The following JMJD1C variants were observed in gnomAD, a reference collection of about 807,000 sequenced individuals.
The protein encoded by JMJD1C is jumonji domain containing 1C.
In JMJD1C, 31 loss-of-function variants were observed where a neutral mutation model predicts 245.3. The ratio of observed to expected loss-of-function variants is 0.13; its 90% CI spans 0.09 to 0.17. The LOEUF is 0.17. Among genes scored for constraint, JMJD1C ranks in the 10% least tolerant of loss-of-function variants. The probability of loss-of-function intolerance (pLI) is 1.00; values close to 1 mark genes in which losing one functional copy is unlikely to be tolerated. For missense variants in JMJD1C, 2,691 were observed against 3,000.2 expected, an observed-to-expected ratio of 0.90 and a Z score of 2.41; for synonymous variants, 1,057 against 1,017.4, an observed-to-expected ratio of 1.04 and a Z score of -0.74.
chr10:63,339,623 T>A (rs1333979319), intron 2 of JMJD1C, among the ~76,000 whole-genome samples: 3 of 150,642 alleles, frequency 2.0e-5, no homozygotes, highest in Middle Eastern at 3.4e-3. Flanking sequence ...ATCTCTAATT[T>A]AAAAAAAAAA....
intron 1 of JMJD1C, among the ~76,000 whole-genome samples, chr10:63,498,140 G>GT (rs1334691999): frequency 6.6e-6 from 1 of 152,002 alleles, no homozygotes; most frequent in Non-Finnish European, 1.5e-5. Context: ...TCCTCAATAA[G>GT]TAAATAACAT....
chr10:63,273,156 T>C (rs906590682), intron 2 of JMJD1C, among the ~76,000 whole-genome samples: 1 of 152,160 alleles, frequency 6.6e-6, no homozygotes, highest in Non-Finnish European at 1.5e-5. Context: ...TACAACTAGT[T>C]GGTAATAATG....
chr10:63,318,629 CATTCCT>C (rs1940414352), intron 2 of JMJD1C, among the ~76,000 whole-genome samples: 1 of 151,984 alleles, frequency 6.6e-6, no homozygotes, highest in South Asian at 2.1e-4. Context: ...GTAAGTTCAA[CATTCCT>C]GGGACATCAA....
At chr10:63,324,780 C>G (rs1342279213) in intron 2 of JMJD1C, among the ~76,000 whole-genome samples, 1 of 152,080 alleles carries the variant, frequency 6.6e-6, no homozygotes, top group Admixed American at 6.6e-5. Flanking sequence ...AAAAGAGGTT[C>G]CAGGGTGGTG....
At chr10:63,313,599 T>C (rs541919001) in intron 2 of JMJD1C, among the ~76,000 whole-genome samples, 10 of 152,326 alleles carry the variant, frequency 6.6e-5, no homozygotes, top group Non-Finnish European at 1.5e-5. Context: ...TCTGCACCAA[T>C]ATCCATTATT....
chr10:63,286,563 A>G (rs1858000589), intron 2 of JMJD1C, among the ~76,000 whole-genome samples: 1 of 152,190 alleles, frequency 6.6e-6, no homozygotes, highest in Non-Finnish European at 1.5e-5. Flanking sequence ...GGACCTTTAA[A>G]TAATTTACCA....
chr10:63,265,717 C>T (rs949695137), intron 2 of JMJD1C, among the ~76,000 whole-genome samples: 9 of 151,998 alleles, frequency 5.9e-5, no homozygotes, highest in Non-Finnish European at 1.2e-4. Flanking sequence ...GAAAAAAGTT[C>T]GGAAAACAGA....
chr10:63,284,149 CTGAG>C (rs1356084079), intron 2 of JMJD1C, among the ~76,000 whole-genome samples: 3 of 152,096 alleles, frequency 2.0e-5, no homozygotes, highest in African/African-American at 7.2e-5. Flanking sequence ...CCTCAGCCTC[CTGAG>C]TAACAGGGAT....
intron 24 of JMJD1C, among the ~76,000 whole-genome samples, chr10:63,173,532 A>G (rs1842592087): frequency 6.6e-6 from 1 of 152,126 alleles, no homozygotes; most frequent in Non-Finnish European, 1.5e-5. Flanking sequence ...GACCAGCCTG[A>G]GCAACACAGC....
rs936957262 is a variant in JMJD1C, at chr10:63,313,438, C to T, written c.334-48674G>A. Among the ~76,000 whole-genome samples the T allele has an allele frequency of 3.9e-5, 6 of 152,302 alleles. No homozygotes were observed. In the East Asian group the frequency reaches 1.2e-3, roughly 29 times the overall value. On this transcript the variant is annotated intron_variant, in intron 2 of 25. Coordinates refer to ENST00000399262, the MANE Select transcript of JMJD1C (RefSeq NM_032776.3). ...AAGTATCTTTTTCATATAATGACTA[C>T]TTTTCCTCTGGGTAGACACCCAGTA...
At chr10:63,227,464 A>G (rs1179283968) in intron 3 of JMJD1C, among the ~76,000 whole-genome samples, 2 of 152,236 alleles carry the variant, frequency 1.3e-5, no homozygotes, top group Admixed American at 1.3e-4. Context: ...TGATGTCTAG[A>G]GTAGCACTTT....
At chr10:63,237,377 T>C (rs377655531) in intron 3 of JMJD1C, among the ~76,000 whole-genome samples, 1 of 152,138 alleles carries the variant, frequency 6.6e-6, no homozygotes, top group Non-Finnish European at 1.5e-5. Flanking sequence ...TACAGTGCAA[T>C]GAATGTAACT....
At chr10:63,307,450 C>T (rs771385640) in intron 2 of JMJD1C, among the ~76,000 whole-genome samples, 12 of 152,092 alleles carry the variant, frequency 7.9e-5, no homozygotes, top group Admixed American at 6.6e-5. Context: ...CTACTACAAA[C>T]TACATCAGGA....
rs1842479800 is a variant in JMJD1C, at chr10:63,172,654, GAA to G, written c.7401+3641_7401+3642del. Reference sequence around the variant, plus strand: ...ACTGAAATGGAGGAAAATAAAGCAGGAAAGACGACAGAAAGTTGGGGGACACA... The same window carrying G: ...ACTGAAATGGAGGAAAATAAAGCAGGAGACGACAGAAAGTTGGGGGACACA... On this transcript the variant is annotated intron_variant, in intron 24 of 25. Transcript: ENST00000399262. Among the ~76,000 whole-genome samples the G allele has an allele frequency of 4.6e-5, 7 of 151,806 alleles. No homozygotes were observed. The South Asian group carries it at 1.5e-3, about 32-fold the overall frequency.
chr10:63,248,523 T>TAGAC lies in JMJD1C; in HGVS notation c.447+16127_447+16128insGTCT, dbSNP rs1564679188. 2.5e-5 allele frequency among the ~76,000 whole-genome samples: 3 copies of TAGAC among 120,926 alleles called. No individual in the cohort carries two copies. In the Admixed American group the frequency reaches 2.7e-4, roughly 11 times the overall value. 79.3% of individuals were successfully genotyped at this position (120,926 alleles called of 152,430 possible). A position where few individuals can be genotyped will look rare whatever the true frequency, so the allele number is the denominator to read the frequency against. On this transcript the variant is annotated intron_variant, in intron 3 of 25. Transcript: ENST00000399262. ...GCAACAGAATGAGACCTCATCTCAATAGATAGATAAATAAATAAATAAATA... is the reference window on the plus strand; with the variant it reads ...GCAACAGAATGAGACCTCATCTCAATAGACAGATAGATAAATAAATAAATAAATA...
chr10:63,281,674 G>T (rs953841491), intron 2 of JMJD1C, among the ~76,000 whole-genome samples: 1 of 151,428 alleles, frequency 6.6e-6, no homozygotes, highest in African/African-American at 2.4e-5. Flanking sequence ...GTTTCACCAT[G>T]TTAGCCAGGA....
chr10:63,487,144 G>A (rs1954025865), intron 1 of JMJD1C, among the ~76,000 whole-genome samples: 1 of 152,182 alleles, frequency 6.6e-6, no homozygotes, highest in Admixed American at 6.5e-5. Flanking sequence ...GAAGTCTGAA[G>A]AGAATAAAGG....
At chr10:63,485,530 G>C (rs996199512) in intron 1 of JMJD1C, among the ~76,000 whole-genome samples, 1 of 152,126 alleles carries the variant, frequency 6.6e-6, no homozygotes, top group Non-Finnish European at 1.5e-5. Context: ...GTAGAATAAT[G>C]AGTGACATCG....
chr10:63,246,375 A>G (rs995771113), intron 3 of JMJD1C, among the ~76,000 whole-genome samples: 3 of 152,180 alleles, frequency 2.0e-5, no homozygotes, highest in Admixed American at 1.3e-4. Flanking sequence ...AGACTTCTCA[A>G]TGGAAATCAT....
Sources: allele counts gnomAD v4.1 joint callset (sites outside exome capture counted in the v4.1 genomes callset), GRCh38; gene constraint gnomAD v4.1.1; transcripts MANE v1.5; gene names NCBI Gene and HGNC (gene_info 2026-07-23, HGNC 2026-07-21).